Variants in PTPN3 observed in about 807,000 individuals in gnomAD.
PTPN3 encodes protein tyrosine phosphatase non-receptor type 3, also known as tyrosine-protein phosphatase non-receptor type 3.
Under a neutral mutation model 132.7 loss-of-function variants are expected in PTPN3, and 96 were observed. The observed-to-expected ratio is 0.72, with a 90% confidence interval of 0.61 to 0.86. The LOEUF is 0.86. Among genes scored for constraint, PTPN3 ranks in the 40% least tolerant of loss-of-function variants. The pLI is 0.00. For synonymous variants in PTPN3, 398 were observed against 429.0 expected (o/e 0.93, Z 0.89); for missense variants, 1,125 against 1,159.6 (o/e 0.97, Z 0.43).
intron 5 of PTPN3, chr9:109,450,818 C>A (rs1016456517): frequency 1.0e-6 from 1 of 985,336 alleles, no homozygotes; most frequent in African/African-American, 1.7e-5. Context: ...GGTACCCCAC[C>A]TGTGACCTCA....
chr9:109,459,154 T>C (rs945208513), intron 2 of PTPN3, among the ~76,000 whole-genome samples: 2 of 152,272 alleles, frequency 1.3e-5, no homozygotes, highest in African/African-American at 4.8e-5. Flanking sequence ...GAAATTAAAA[T>C]GTAATAACAA....
intron 2 of PTPN3, 46 bp from the exon 3 acceptor site, chr9:109,457,445 G>T: frequency 6.6e-7 from 1 of 1,509,498 alleles, no homozygotes; most frequent in Non-Finnish European, 9.1e-7. Context: ...TAAATTAATT[G>T]GTGGTAAAAA....
At chr9:109,381,588 C>A in intron 25 of PTPN3, 64 bp downstream of exon 25, 1 of 1,586,282 alleles carries the variant, frequency 6.3e-7, no homozygotes, top group East Asian at 2.2e-5. Flanking sequence ...GCCCTTCTCT[C>A]AGGCCTGCCT....
At chr9:109,520,970 A>G in the PTPN3 span, among the ~76,000 whole-genome samples, 2 of 152,028 alleles carry the variant, frequency 1.3e-5, no homozygotes, top group African/African-American at 4.8e-5. Context: ...GCCGGCTGAC[A>G]TGTCTTTTTA....
intron 19 of PTPN3, among the ~76,000 whole-genome samples, chr9:109,392,438 C>T (rs1357585118): frequency 6.6e-6 from 1 of 151,434 alleles, no homozygotes; most frequent in Non-Finnish European, 1.5e-5. Context: ...AAAAAATTAT[C>T]AGCAATTTCA....
intron 1 of PTPN3, among the ~76,000 whole-genome samples, chr9:109,496,887 T>C (rs1008891287): frequency 6.6e-6 from 1 of 152,192 alleles, no homozygotes; most frequent in Non-Finnish European, 1.5e-5. Context: ...AGTGCAAGGC[T>C]GAGAAACCCT....
chr9:109,437,998 C>T, intron 8 of PTPN3, 116 bp downstream of exon 8: 1 of 1,286,938 alleles, frequency 7.8e-7, no homozygotes, highest in Non-Finnish European at 1.0e-6. Context: ...AAACCCCCGA[C>T]ATCTTGAAAG....
At chr9:109,434,489 G>A (rs971626252) in intron 9 of PTPN3, among the ~76,000 whole-genome samples, 11 of 151,924 alleles carry the variant, frequency 7.2e-5, no homozygotes, top group African/African-American at 2.7e-4. Flanking sequence ...TCATATTTTT[G>A]TAGAGATGGG....
At chr9:109,465,706 C>CCA (rs772200806) in intron 1 of PTPN3, among the ~76,000 whole-genome samples, 2 of 64,830 alleles carry the variant, frequency 3.1e-5, no homozygotes, top group Non-Finnish European at 5.6e-5. Context: ...AACTCTGTCT[C>CCA]AAAAAAAAAA....
intron 15 of PTPN3, 75 bp from the exon 16 acceptor site, chr9:109,410,151 G>C (rs1479732966): frequency 1.9e-6 from 3 of 1,612,986 alleles, no homozygotes; most frequent in Admixed American, 3.3e-5. Flanking sequence ...TTTTCATTTA[G>C]TTAGAGCTAC....
At chr9:109,403,919 A>G (rs572421456) in intron 19 of PTPN3, among the ~76,000 whole-genome samples, 3 of 152,234 alleles carry the variant, frequency 2.0e-5, no homozygotes, top group African/African-American at 4.8e-5. Context: ...ACTTGTGTTT[A>G]TAGGGTTCTG....
At chr9:109,431,252 C>T (rs577725821) in intron 10 of PTPN3, among the ~76,000 whole-genome samples, 9 of 152,192 alleles carry the variant, frequency 5.9e-5, no homozygotes, top group Admixed American at 1.3e-4. Context: ...GACCAAGTCT[C>T]CCACTTCTCT....
intron 1 of PTPN3, among the ~76,000 whole-genome samples, chr9:109,487,406 C>A (rs180756307): frequency 6.6e-6 from 1 of 152,310 alleles, no homozygotes; most frequent in East Asian, 1.9e-4. Context: ...GGCAGCGGAC[C>A]TCAAAGGACA....
intron 12 of PTPN3, 47 bp from the exon 13 acceptor site, chr9:109,422,899 G>A (rs766337038): frequency 7.5e-6 from 12 of 1,589,458 alleles, no homozygotes; most frequent in Non-Finnish European, 9.5e-6. Context: ...CGTTCAACAG[G>A]AAAGAAATTA....
At chr9:109,469,702 G>A (rs186549783) in intron 1 of PTPN3, among the ~76,000 whole-genome samples, 17 of 151,826 alleles carry the variant, frequency 1.1e-4, no homozygotes, top group African/African-American at 3.6e-4. Context: ...TATGAGTTCC[G>A]TTGAAAAAAA....
chr9:109,463,965 C>T (rs539896884), intron 1 of PTPN3, among the ~76,000 whole-genome samples: 46 of 152,222 alleles, frequency 3.0e-4, no homozygotes, highest in Non-Finnish European at 6.0e-4. Flanking sequence ...ATGGAGTGCT[C>T]CTGCTAACCT....
the PTPN3 span, among the ~76,000 whole-genome samples, chr9:109,503,748 A>G: frequency 1.3e-5 from 2 of 151,932 alleles, no homozygotes; most frequent in Non-Finnish European, 2.9e-5. Flanking sequence ...GCAAATTATC[A>G]CTGTAAAAGA....
intron 5 of PTPN3, among the ~76,000 whole-genome samples, chr9:109,451,925 C>T (rs1845271473): frequency 6.6e-6 from 1 of 152,094 alleles, no homozygotes. Flanking sequence ...TTGGAACCTC[C>T]CAGTTGGTTG....
intron 1 of PTPN3, among the ~76,000 whole-genome samples, chr9:109,497,965 C>A (rs868040933): frequency 1.4e-5 from 2 of 146,414 alleles, no homozygotes; most frequent in African/African-American, 4.9e-5. Flanking sequence ...GGCCGCCAGC[C>A]CGCCCCGGCC....
Sources: allele counts gnomAD v4.1 joint callset (sites outside exome capture counted in the v4.1 genomes callset), GRCh38; gene constraint gnomAD v4.1.1; transcripts MANE v1.5; gene names NCBI Gene and HGNC (gene_info 2026-07-23, HGNC 2026-07-21).